The following AK5 variants were observed in gnomAD, a reference collection of about 807,000 sequenced individuals.
The protein encoded by AK5 is adenylate kinase 5.
In AK5, 27 loss-of-function variants were observed where a neutral mutation model predicts 69.5. That is an observed-to-expected ratio of 0.39 (90% CI 0.29 to 0.54). The LOEUF (loss-of-function observed/expected upper bound fraction) is 0.54. Ranked by LOEUF, AK5 falls within the 20% of genes least tolerant of loss-of-function variation. The pLI is 0.71. For missense variants in AK5, 531 were observed against 700.4 expected, an observed-to-expected ratio of 0.76 and a Z score of 2.73; for synonymous variants, 260 against 244.4, an observed-to-expected ratio of 1.06 and a Z score of -0.60.
intron 6 of AK5, among the ~76,000 whole-genome samples, chr1:77,368,245 A>ATATATATATATATATGTTATATATAT (rs376578923): frequency 0.047 from 3,165 of 67,382 alleles, 564 homozygotes; most frequent in East Asian, 0.1. Context: ...ATATATATAT[A>ATATATATATATATATGTTATATATAT]TATATATAAT....
At chr1:77,554,083 T>C (rs990190215) in intron 13 of AK5, among the ~76,000 whole-genome samples, 1 of 152,206 alleles carries the variant, frequency 6.6e-6, no homozygotes, top group Non-Finnish European at 1.5e-5. Flanking sequence ...TTCATTGATA[T>C]AAAATGTCCT....
chr1:77,340,695 G>GA (rs949119943), intron 6 of AK5, 127 bp downstream of exon 6: 4 of 625,374 alleles, frequency 6.4e-6, no homozygotes, highest in East Asian at 3.1e-5. Context: ...AGAACCAATG[G>GA]AAAAAAATGT....
intron 13 of AK5, among the ~76,000 whole-genome samples, chr1:77,539,777 G>T (rs1659172258): frequency 6.6e-6 from 1 of 152,140 alleles, no homozygotes; most frequent in Non-Finnish European, 1.5e-5. Context: ...ACAGCTTGTG[G>T]CCTGCTCCTG....
chr1:77,391,525 A>ATATC (rs1557554604), intron 6 of AK5, among the ~76,000 whole-genome samples: 2 of 121,680 alleles, frequency 1.6e-5, no homozygotes, highest in Admixed American at 8.4e-5. Context: ...ATATATATAT[A>ATATC]TATCTCCTCA....
intron 5 of AK5, among the ~76,000 whole-genome samples, chr1:77,340,157 A>C (rs527738043): frequency 2.6e-5 from 4 of 152,314 alleles, no homozygotes; most frequent in South Asian, 2.1e-4. Context: ...TGGCTACTGC[A>C]TATGGCCACA....
chr1:77,424,687 T>G (rs1300072523), intron 8 of AK5, among the ~76,000 whole-genome samples: 2 of 152,120 alleles, frequency 1.3e-5, no homozygotes, highest in African/African-American at 4.8e-5. Context: ...ATCTCTGAGC[T>G]TGAGTATATG....
At chr1:77,536,159 C>A in intron 13 of AK5, 121 bp downstream of exon 13, 1 of 1,140,696 alleles carries the variant, frequency 8.8e-7, no homozygotes, top group Non-Finnish European at 1.2e-6. Context: ...CTCTGTGCAG[C>A]TGCAGCACTG....
intron 5 of AK5, among the ~76,000 whole-genome samples, chr1:77,307,817 A>G (rs1659727939): frequency 6.6e-6 from 1 of 152,044 alleles, no homozygotes. Context: ...GCAATTTAGG[A>G]CTGTTTTTTC....
At chr1:77,517,565 T>A (rs993349814) in intron 10 of AK5, among the ~76,000 whole-genome samples, 22 of 152,194 alleles carry the variant, frequency 1.4e-4, no homozygotes, top group Non-Finnish European at 2.8e-4. Flanking sequence ...ATACCTAAAA[T>A]GTTTAGAATA....
intron 10 of AK5, among the ~76,000 whole-genome samples, chr1:77,487,999 G>C (rs1435361573): frequency 6.6e-6 from 1 of 152,204 alleles, no homozygotes; most frequent in Non-Finnish European, 1.5e-5. Flanking sequence ...AGTAAAATTA[G>C]GTGATTACTT....
intron 6 of AK5, among the ~76,000 whole-genome samples, chr1:77,373,176 C>T (rs1171212414): frequency 1.3e-5 from 2 of 152,126 alleles, no homozygotes; most frequent in Non-Finnish European, 2.9e-5. Context: ...GAAGTTCCCA[C>T]TTCATAACAT....
At chr1:77,315,604 A>C (rs1156715020) in intron 5 of AK5, among the ~76,000 whole-genome samples, 2 of 152,142 alleles carry the variant, frequency 1.3e-5, no homozygotes, top group African/African-American at 4.8e-5. Flanking sequence ...TTTGATTAAA[A>C]CTAAACTGAT....
Position 77,486,494 on chromosome 1 carries a change from G to C in AK5, c.1147+142G>C, listed in dbSNP as rs554823577. The C allele has an allele frequency of 6.0e-4, 309 of 516,272 alleles. 1 individual carries two copies. The highest frequency in any genetic ancestry group is 4.5e-3 in the African/African-American group (229 of 50,612). 32.0% of individuals were successfully genotyped at this position (516,272 alleles called of 1,614,324 possible). ...GCAGATCACGAGGTCAGGAGATCGA[G>C]ACCATCCTGGCTAACACAGTGAAAC... On this transcript the variant is annotated intron_variant, in intron 10 of 13. Transcript: ENST00000354567.
intron 5 of AK5, among the ~76,000 whole-genome samples, chr1:77,302,308 A>G (rs912334811): frequency 2.6e-5 from 4 of 152,194 alleles, no homozygotes; most frequent in African/African-American, 7.2e-5. Context: ...CAAAAAGAGG[A>G]AAAAGCAAAA....
intron 8 of AK5, among the ~76,000 whole-genome samples, chr1:77,428,118 T>C (rs1346359888): frequency 6.6e-6 from 1 of 152,182 alleles, no homozygotes; most frequent in Non-Finnish European, 1.5e-5. Flanking sequence ...TTTTTAGATA[T>C]AGCACCAAAG....
intron 10 of AK5, among the ~76,000 whole-genome samples, chr1:77,511,158 A>G (rs1297818285): frequency 6.6e-6 from 1 of 152,162 alleles, no homozygotes; most frequent in Non-Finnish European, 1.5e-5. Flanking sequence ...GGAATAAGCT[A>G]GAAAGGTTTC....
chr1:77,313,324 A>G lies in AK5; in HGVS notation c.699+15377A>G, dbSNP rs141414193. Among the ~76,000 whole-genome samples, 950 of 152,248 alleles carry G rather than the reference A, an allele frequency of 6.2e-3. 25 individuals are homozygous for G. Among genetic ancestry groups the G allele is most frequent in the African/African-American group, 0.022 (903 of 41,504 alleles). ...CTAGGCTTCCAATCTTGGAGGGCAT[A>G]CAGACTCTAGACCACTAGCTTTCTC... On this transcript the variant is annotated intron_variant, in intron 5 of 13. Coordinates refer to ENST00000354567, the MANE Select transcript of AK5 (RefSeq NM_174858.3).
intron 10 of AK5, among the ~76,000 whole-genome samples, chr1:77,511,717 G>A (rs1186496544): frequency 6.6e-6 from 1 of 152,210 alleles, no homozygotes; most frequent in East Asian, 1.9e-4. Context: ...CAGAGTAGAT[G>A]CAAATAAAGC....
intron 6 of AK5, among the ~76,000 whole-genome samples, chr1:77,363,924 T>C (rs895228482): frequency 7.2e-5 from 11 of 152,322 alleles, no homozygotes; most frequent in African/African-American, 2.4e-4. Flanking sequence ...TTATTCTTTG[T>C]CTACCTCTTC....
Sources: gnomAD v4.1 joint callset for allele counts (sites outside exome capture counted in the v4.1 genomes callset) on GRCh38, gnomAD v4.1.1 for gene constraint, MANE v1.5 for transcripts, NCBI Gene and HGNC (gene_info 2026-07-23, HGNC 2026-07-21) for gene names.